LRRC3B: variants seen among roughly 807,000 people sequenced by gnomAD.
The protein encoded by LRRC3B is leucine-rich repeat-containing protein 3B.
In LRRC3B, 2 loss-of-function variants were observed where a neutral mutation model predicts 12.8. The observed-to-expected ratio is 0.16, with a 90% CI of 0.06 to 0.49. The LOEUF (loss-of-function observed/expected upper bound fraction) is 0.49, where lower values mean the gene tolerates loss of function less well. Ranked by LOEUF, LRRC3B falls within the 20% of genes least tolerant of loss-of-function variation. The pLI is 0.96. For missense variants in LRRC3B, 189 were observed against 319.4 expected, an observed-to-expected ratio of 0.59 and a Z score of 3.11; for synonymous variants, 132 against 122.0, an observed-to-expected ratio of 1.08 and a Z score of -0.54.
intron 1 of LRRC3B, among the ~76,000 whole-genome samples, chr3:26,686,465 T>C (rs1700091485): frequency 6.6e-6 from 1 of 152,200 alleles, no homozygotes; most frequent in South Asian, 2.1e-4. Context: ...GCCCAATCTT[T>C]TTATCCAATT....
intron 1 of LRRC3B, among the ~76,000 whole-genome samples, chr3:26,636,475 G>A (rs900605153): frequency 4.6e-5 from 7 of 152,162 alleles, no homozygotes; most frequent in Non-Finnish European, 7.3e-5. Context: ...ATTCATATCT[G>A]GATGCAGATG....
At chr3:26,696,200 A>AC (rs1700312761) in intron 1 of LRRC3B, among the ~76,000 whole-genome samples, 1 of 152,266 alleles carries the variant, frequency 6.6e-6, no homozygotes, top group Non-Finnish European at 1.5e-5. Flanking sequence ...AACCCTGAAA[A>AC]AGAAACACAA....
At chr3:26,673,154 A>G (rs542855458) in intron 1 of LRRC3B, among the ~76,000 whole-genome samples, 1 of 152,354 alleles carries the variant, frequency 6.6e-6, no homozygotes, top group African/African-American at 2.4e-5. Context: ...CATAAATATA[A>G]AATCAAGAAA....
chr3:26,689,378 C>G (rs890737536), intron 1 of LRRC3B, among the ~76,000 whole-genome samples: 1 of 152,180 alleles, frequency 6.6e-6, no homozygotes, highest in Non-Finnish European at 1.5e-5. Flanking sequence ...ACACCAGGAC[C>G]AGTCCTGACA....
At chr3:26,684,758 C>T (rs977146219) in intron 1 of LRRC3B, among the ~76,000 whole-genome samples, 1 of 152,158 alleles carries the variant, frequency 6.6e-6, no homozygotes, top group Non-Finnish European at 1.5e-5. Context: ...AGTTAAATGT[C>T]AACACGTGTT....
chr3:26,700,194 A>G (rs1340611329), intron 1 of LRRC3B, among the ~76,000 whole-genome samples: 2 of 152,170 alleles, frequency 1.3e-5, no homozygotes, highest in Non-Finnish European at 2.9e-5. Context: ...TGATTTTGAT[A>G]AAAGTTTTAT....
chr3:26,655,873 C>T (rs2125418564), intron 1 of LRRC3B, among the ~76,000 whole-genome samples: 1 of 152,276 alleles, frequency 6.6e-6, no homozygotes, highest in East Asian at 1.9e-4. Context: ...TAAAATTCTT[C>T]ATGACCTTAT....
chr3:26,709,507 CT>C lies in LRRC3B; in HGVS notation c.-160-3del. On this transcript the variant is annotated splice_polypyrimidine_tract_variant and splice_region_variant and intron_variant, in intron 1 of 1. Coordinates refer to ENST00000396641, the Ensembl canonical transcript of LRRC3B. ...AACTAATTGCATCTGTTTCTCTTTCCTTTAGGTGCCCAAGCAAGGAAAGAAA... is the reference window on the plus strand; with the variant it reads ...AACTAATTGCATCTGTTTCTCTTTCCTTAGGTGCCCAAGCAAGGAAAGAAA... 1.5e-6 allele frequency: 1 copy of C among 675,128 alleles called. No homozygotes were observed. The allele number at this position is 675,128 out of a possible 1,614,324, so 41.8% of individuals were successfully genotyped here.
At chr3:26,630,030 AG>A (rs1698721804) in intron 1 of LRRC3B, among the ~76,000 whole-genome samples, 2 of 152,012 alleles carry the variant, frequency 1.3e-5, no homozygotes, top group Admixed American at 6.6e-5. Flanking sequence ...TAGCACAGTA[AG>A]ACTAAGAGAT....
chr3:26,651,919 A>G (rs369260411), intron 1 of LRRC3B, among the ~76,000 whole-genome samples: 4 of 152,186 alleles, frequency 2.6e-5, no homozygotes, highest in Non-Finnish European at 5.9e-5. Context: ...ATTCTCAAGA[A>G]TAGCCACTTT....
chr3:26,643,336 A>G (rs1012209981), intron 1 of LRRC3B, among the ~76,000 whole-genome samples: 1 of 152,158 alleles, frequency 6.6e-6, no homozygotes, highest in African/African-American at 2.4e-5. Flanking sequence ...AAAACCATAT[A>G]CACTAGACAC....
intron 1 of LRRC3B, 99 bp from the exon 2 acceptor site, chr3:26,709,414 C>A: frequency 2.0e-6 from 1 of 494,554 alleles, no homozygotes; most frequent in South Asian, 3.1e-5. Flanking sequence ...TAACTAACCC[C>A]CCTGCTCAAG....
chr3:26,681,021 A>G (rs1294347697), intron 1 of LRRC3B, among the ~76,000 whole-genome samples: 1 of 152,228 alleles, frequency 6.6e-6, no homozygotes, highest in Non-Finnish European at 1.5e-5. Context: ...TCACTTATAT[A>G]CTACAAAAGA....
At chr3:26,698,379 CAT>C (rs1004044741) in intron 1 of LRRC3B, among the ~76,000 whole-genome samples, 52 of 152,254 alleles carry the variant, frequency 3.4e-4, no homozygotes, top group African/African-American at 1.3e-3. Flanking sequence ...GCACCTTGCA[CAT>C]GTCTCATAGG....
At chr3:26,704,902 G>A (rs1700547754) in intron 1 of LRRC3B, among the ~76,000 whole-genome samples, 1 of 151,908 alleles carries the variant, frequency 6.6e-6, no homozygotes, top group Admixed American at 6.6e-5. Flanking sequence ...TAAATTAAAA[G>A]CCCTTCCTGT....
At chr3:26,633,265 C>A (rs1198850209) in intron 1 of LRRC3B, among the ~76,000 whole-genome samples, 2 of 152,078 alleles carry the variant, frequency 1.3e-5, no homozygotes, top group African/African-American at 4.8e-5. Flanking sequence ...AATTAGTCGG[C>A]CATTTAATAG....
chr3:26,653,205 G>A lies in LRRC3B; in HGVS notation c.-161+29968G>A, dbSNP rs531166125. On this transcript the variant is annotated intron_variant, in intron 1 of 1. Coordinates refer to ENST00000396641, the Ensembl canonical transcript of LRRC3B. ...GAAAAAATTCAAAAGACTTAAGTGGGGAAAGAGGAAAATGAGGGAAAAAAT... is the reference window on the plus strand; with the variant it reads ...GAAAAAATTCAAAAGACTTAAGTGGAGAAAGAGGAAAATGAGGGAAAAAAT... Among the ~76,000 whole-genome samples, 79 of 152,224 alleles carry A rather than the reference G, an allele frequency of 5.2e-4. 3 individuals carry two copies. In the South Asian group the frequency reaches 0.015, roughly 30 times the overall value.
At chr3:26,707,877 G>T in intron 1 of LRRC3B, among the ~76,000 whole-genome samples, 1 of 152,070 alleles carries the variant, frequency 6.6e-6, no homozygotes, top group African/African-American at 2.4e-5. Context: ...CATTGCCAAT[G>T]AAATGATCTG....
At chr3:26,675,461 G>T (rs554133156) in intron 1 of LRRC3B, among the ~76,000 whole-genome samples, 2 of 152,296 alleles carry the variant, frequency 1.3e-5, no homozygotes, top group Admixed American at 6.5e-5. Context: ...AGGAAAAGCG[G>T]TTGGTGGCAT....
Sources: allele counts gnomAD v4.1 joint callset (sites outside exome capture counted in the v4.1 genomes callset), GRCh38; gene constraint gnomAD v4.1.1; transcripts MANE v1.5; gene names NCBI Gene and HGNC (gene_info 2026-07-23, HGNC 2026-07-21).